Variants in UPP2 observed in about 807,000 individuals in gnomAD.
UPP2 encodes UPase 2.
UPP2 carries 23 observed loss-of-function variants against 26.7 expected under a neutral mutation model. That is an observed-to-expected ratio of 0.86 (90% CI 0.62 to 1.22). The LOEUF (loss-of-function observed/expected upper bound fraction) is 1.22. Among genes scored for constraint, UPP2 ranks in the 50% most tolerant of loss-of-function variants. The probability of loss-of-function intolerance (pLI) is 0.00; values close to 1 mark genes in which losing one functional copy is unlikely to be tolerated. For missense variants in UPP2, 387 were observed against 396.7 expected (o/e 0.98, Z 0.21); for synonymous variants, 127 against 141.3 (o/e 0.90, Z 0.72).
rs1574308901 is a variant in UPP2 at position 158,123,958 on chromosome 2, T to C, written c.811+63T>C. On this transcript the variant is annotated intron_variant, in intron 6 of 6. Transcript: ENST00000005756. ...CTTTCATGAAGCTACTTTTACACCTTAGGAGAAGAAAAAGAGGTCCAGCTA... is the reference window on the plus strand; with the variant it reads ...CTTTCATGAAGCTACTTTTACACCTCAGGAGAAGAAAAAGAGGTCCAGCTA... 1.9e-6 allele frequency: 3 copies of C among 1,556,082 alleles called. No homozygotes were observed. The East Asian group carries it at 6.7e-5, about 35-fold the overall frequency.
At chr2:158,127,984 G>T (rs898651787) in intron 6 of UPP2, 2 of 985,258 alleles carry the variant, frequency 2.0e-6, no homozygotes, top group Non-Finnish European at 2.4e-6. Flanking sequence ...CTTTAATTAA[G>T]CCCCAAACAT....
chr2:158,050,987 C>A (rs991093146), intron 3 of UPP2, among the ~76,000 whole-genome samples: 3 of 152,082 alleles, frequency 2.0e-5, no homozygotes, highest in African/African-American at 7.2e-5. Flanking sequence ...CATGATGTGA[C>A]TAATTCACAG....
chr2:158,096,665 C>T (rs1483509396), intron 3 of UPP2, among the ~76,000 whole-genome samples: 1 of 151,968 alleles, frequency 6.6e-6, no homozygotes, highest in Non-Finnish European at 1.5e-5. Context: ...GGATAAATTG[C>T]TGTAATGTCA....
chr2:158,117,543 G>A lies in UPP2; in HGVS notation c.340-281G>A, dbSNP rs923710392. ...GAAATGGCACCGCCCTGACACACCT[G>A]TATACCACACCATCCCCACCTTCTG... is the stretch of plus-strand genomic sequence containing the variant. On this transcript the variant is annotated intron_variant, in intron 3 of 6. Coordinates refer to ENST00000005756, the MANE Select transcript of UPP2 (RefSeq NM_173355.4). Among the ~76,000 whole-genome samples, 17 of 152,056 alleles carry A rather than the reference G, an allele frequency of 1.1e-4. 1 individual carries two copies. Among genetic ancestry groups the A allele is most frequent in the Admixed American group, 9.2e-4 (14 of 15,280 alleles).
intron 3 of UPP2, among the ~76,000 whole-genome samples, chr2:158,022,694 C>T (rs34727822): frequency 0.064 from 9,740 of 152,206 alleles, 411 homozygotes; most frequent in Non-Finnish European, 0.097. Context: ...AGAGTCAAGA[C>T]AGTCTGGACC....
chr2:158,053,261 G>A (rs1558915596), intron 3 of UPP2, among the ~76,000 whole-genome samples: 3 of 152,152 alleles, frequency 2.0e-5, no homozygotes, highest in African/African-American at 4.8e-5. Context: ...GGCAAGGGTT[G>A]GGTTTTACAT....
intron 2 of UPP2, among the ~76,000 whole-genome samples, chr2:158,109,794 CA>C (rs1683273213): frequency 6.6e-6 from 1 of 152,180 alleles, no homozygotes. Context: ...ACAATTAATA[CA>C]TACGGTGGAA....
chr2:158,093,647 A>G (rs1682944495), intron 3 of UPP2, among the ~76,000 whole-genome samples: 1 of 152,186 alleles, frequency 6.6e-6, no homozygotes, highest in Non-Finnish European at 1.5e-5. Context: ...AGGGAAATGA[A>G]ATAAAGCAAA....
intron 2 of UPP2, among the ~76,000 whole-genome samples, chr2:157,996,599 C>CAGAA (rs1683327692): frequency 6.6e-6 from 1 of 152,142 alleles, no homozygotes. Context: ...TGAGGATTTA[C>CAGAA]TATGGCCTTC....
At chr2:158,048,408 C>T (rs73003290) in intron 3 of UPP2, among the ~76,000 whole-genome samples, 7,242 of 152,206 alleles carry the variant, frequency 0.048, 563 homozygotes, top group African/African-American at 0.16. Flanking sequence ...GAGTTTGAAA[C>T]GAGCCTGAGC....
chr2:158,089,549 A>G (rs982439630), intron 3 of UPP2, among the ~76,000 whole-genome samples: 1 of 152,232 alleles, frequency 6.6e-6, no homozygotes, highest in Non-Finnish European at 1.5e-5. Flanking sequence ...AAATTGTTAC[A>G]AAGTTCAGCT....
chr2:158,076,094 A>G (rs1223965417), intron 3 of UPP2, among the ~76,000 whole-genome samples: 1 of 151,966 alleles, frequency 6.6e-6, no homozygotes, highest in Non-Finnish European at 1.5e-5. Context: ...ATAAATTCCT[A>G]GACATATACC....
At chr2:158,005,230 T>G (rs1683471243) in intron 2 of UPP2, among the ~76,000 whole-genome samples, 1 of 152,148 alleles carries the variant, frequency 6.6e-6, no homozygotes, top group South Asian at 2.1e-4. Context: ...TATAATTGTG[T>G]TTTCCAGGCA....
chr2:158,064,194 T>C (rs1682398250), intron 3 of UPP2, among the ~76,000 whole-genome samples: 1 of 152,270 alleles, frequency 6.6e-6, no homozygotes, highest in African/African-American at 2.4e-5. Context: ...ATGGTTGAAC[T>C]AGTTTACAGT....
At position 158,123,729 on chromosome 2, in the gene UPP2, C is replaced by T. The variant is rs1428055170; in HGVS notation, c.665-20C>T. ...TGGGGTGGGACATCAAGTCACTAAA[C>T]GTTCTCCCCTCCCTTTCAGGCCAAG... On this transcript the variant is annotated intron_variant, in intron 5 of 6. Coordinates refer to ENST00000005756, the MANE Select transcript of UPP2 (RefSeq NM_173355.4). 1.8e-5 allele frequency: 29 copies of T among 1,609,234 alleles called. No homozygotes were observed. Among genetic ancestry groups the T allele is most frequent in the East Asian group, 2.2e-5 (1 of 44,828 alleles).
At chr2:158,048,557 T>C (rs954295639) in intron 3 of UPP2, among the ~76,000 whole-genome samples, 1 of 152,210 alleles carries the variant, frequency 6.6e-6, no homozygotes, top group Admixed American at 6.5e-5. Context: ...TGAGCTGTGA[T>C]TGCACTACTG....
intron 3 of UPP2, chr2:158,066,081 T>C (rs1689338628): frequency 3.9e-6 from 1 of 254,654 alleles, no homozygotes; most frequent in Non-Finnish European, 7.7e-6. Flanking sequence ...CTGGGGTCCC[T>C]GATGCTATTG....
At chr2:158,045,808 G>C (rs1684145116) in intron 3 of UPP2, among the ~76,000 whole-genome samples, 1 of 152,094 alleles carries the variant, frequency 6.6e-6, no homozygotes, top group Admixed American at 6.6e-5. Context: ...ATGAGCCAGG[G>C]AAGGCCATCA....
At chr2:158,047,107 A>G (rs536877231) in intron 3 of UPP2, among the ~76,000 whole-genome samples, 15 of 152,196 alleles carry the variant, frequency 9.9e-5, no homozygotes, top group Admixed American at 9.8e-4. Flanking sequence ...TAATAGTCGA[A>G]GTCAGCTTAT....
Sources: allele counts gnomAD v4.1 joint callset (sites outside exome capture counted in the v4.1 genomes callset), GRCh38; gene constraint gnomAD v4.1.1; transcripts MANE v1.5; gene names NCBI Gene and HGNC (gene_info 2026-07-23, HGNC 2026-07-21).